BEND7: variants seen among roughly 807,000 people sequenced by gnomAD.
BEND7 encodes BEN domain-containing protein 7.
BEND7 carries 28 observed loss-of-function variants against 50.9 expected under a neutral mutation model. That is an observed-to-expected ratio of 0.55 (90% confidence interval 0.41 to 0.75). The LOEUF (loss-of-function observed/expected upper bound fraction) is 0.75. Among genes scored for constraint, BEND7 ranks in the 30% least tolerant of loss-of-function variants. BEND7 has a pLI of 0.00. For missense variants in BEND7, 477 were observed against 491.3 expected, an observed-to-expected ratio of 0.97 and a Z score of 0.28; for synonymous variants, 170 against 183.9, an observed-to-expected ratio of 0.92 and a Z score of 0.61.
downstream of BEND7, chr10:13,439,173 CAGAG>C: frequency 2.5e-6 from 4 of 1,605,964 alleles, no homozygotes; most frequent in African/African-American, 2.7e-5. Context: ...AAGATAATTT[CAGAG>C]AGAGAGGCAA....
chr10:13,496,976 A>C, intron 3 of BEND7, 88 bp from the exon 4 acceptor site: 1 of 1,418,196 alleles, frequency 7.1e-7, no homozygotes, highest in Non-Finnish European at 9.2e-7. Flanking sequence ...AAAAGAAAGT[A>C]TCTTGGCAGG....
In BEND7 at chr10:13,500,091, C is replaced by T. The variant is rs370459953; in HGVS notation, c.146-11G>A. On this transcript the variant is annotated splice_polypyrimidine_tract_variant and intron_variant, in intron 2 of 8. Transcript: ENST00000466271. ...CCATGCTTTCATCTCCTAATGGAAA[C>T]AGGGCCAAAGTTAGCACTCTAAATT... 2.5e-6 allele frequency: 4 copies of T among 1,570,690 alleles called. No individual in the cohort carries two copies. The highest frequency in any genetic ancestry group is 3.5e-6 in the Non-Finnish European group (4 of 1,151,514).
chr10:13,447,810 C>A (rs1397185411), intron 7 of BEND7, among the ~76,000 whole-genome samples: 4 of 152,096 alleles, frequency 2.6e-5, no homozygotes, highest in South Asian at 4.1e-4. Flanking sequence ...ATCTTATGAA[C>A]CTCATTCTAT....
chr10:13,477,311 A>T (rs936997405), intron 6 of BEND7, among the ~76,000 whole-genome samples: 1 of 152,218 alleles, frequency 6.6e-6, no homozygotes, highest in Admixed American at 6.5e-5. Context: ...TTATCCCACA[A>T]GAGATCAAGT....
In BEND7 at chr10:13,441,217, T is replaced by C; in HGVS notation, c.*526A>G. On this transcript the variant is annotated 3_prime_UTR_variant, in exon 9 of 9. Transcript: ENST00000466271. ...GCATTGAATTCTTTTTTAAAGAACA[T>C]AGTAATTTTAAAAAATCTAAATATT... 3.2e-6 allele frequency: 3 copies of C among 925,160 alleles called. No individual in the cohort carries two copies. The highest frequency in any genetic ancestry group is 3.6e-5 in the African/African-American group (2 of 56,064). 57.3% of individuals were successfully genotyped at this position (925,160 alleles called of 1,614,324 possible). A position where few individuals can be genotyped will look rare whatever the true frequency, so the allele number is the denominator to read the frequency against.
chr10:13,441,708 C>A lies in BEND7; in HGVS notation c.*35G>T. 1 of 1,612,798 alleles carries A rather than the reference C, an allele frequency of 6.2e-7. No individual in the cohort carries two copies. Among genetic ancestry groups the A allele is most frequent in the Non-Finnish European group, 8.5e-7 (1 of 1,179,550 alleles). ...AGGACGGATTTTAAAACCCATGGTGCAAAAAACACAAGAGCTGTGGTTTGC... is the reference window on the plus strand; with the variant it reads ...AGGACGGATTTTAAAACCCATGGTGAAAAAAACACAAGAGCTGTGGTTTGC... On this transcript the variant is annotated 3_prime_UTR_variant, in exon 9 of 9. Transcript: ENST00000466271.
intron 4 of BEND7, among the ~76,000 whole-genome samples, chr10:13,493,280 C>T (rs2076798207): frequency 6.6e-6 from 1 of 152,212 alleles, no homozygotes; most frequent in African/African-American, 2.4e-5. Context: ...TTCAGGATTA[C>T]ATTTGGGGTT....
intron 2 of BEND7, chr10:13,500,692 C>T (rs1273357712): frequency 1.4e-5 from 14 of 985,460 alleles, no homozygotes; most frequent in South Asian, 4.7e-5. Context: ...TCAGAGAGGA[C>T]GGCCGAGGAG....
Position 13,528,767 on chromosome 10 carries a change from C to A in BEND7, c.-234G>T, listed in dbSNP as rs918077705. 1 of 146,670 alleles carries A rather than the reference C, an allele frequency of 6.8e-6. No homozygotes were observed. Among genetic ancestry groups the A allele is most frequent in the Non-Finnish European group, 1.5e-5 (1 of 66,030 alleles). The allele number at this position is 146,670 out of a possible 1,614,324, so 9.1% of individuals were successfully genotyped here. A position where few individuals can be genotyped will look rare whatever the true frequency, so the allele number is the denominator to read the frequency against. On this transcript the variant is annotated 5_prime_UTR_variant, in exon 1 of 9. Coordinates refer to ENST00000466271, the MANE Select transcript of BEND7 (RefSeq NM_001369863.1). ...GTGGGCTCCCGGGCGAAGTTGCCCC[C>A]GCGCGGCGCCGCCTCCCGGTGCCCT...
chr10:13,463,512 G>T (rs2073927437), intron 6 of BEND7, among the ~76,000 whole-genome samples: 1 of 152,200 alleles, frequency 6.6e-6, no homozygotes, highest in Non-Finnish European at 1.5e-5. Context: ...GTCAAAAATG[G>T]ATGCTGTTAA....
At chr10:13,442,484 T>C (rs1280985696) in intron 8 of BEND7, 4 of 152,258 alleles carry the variant, frequency 2.6e-5, no homozygotes, top group African/African-American at 4.8e-5. Flanking sequence ...TAAATATTTC[T>C]ATAAAACAAA....
chr10:13,529,132 C>T (rs2079581107), upstream of BEND7, among the ~76,000 whole-genome samples: 1 of 144,418 alleles, frequency 6.9e-6, no homozygotes, highest in African/African-American at 2.5e-5. Context: ...GCCGCCATCC[C>T]CGGGGGCCGC....
In BEND7 at chr10:13,480,898, C is replaced by A. The variant is rs1290577403; in HGVS notation, c.1063+1G>T. The A allele has an allele frequency of 6.2e-7, 1 of 1,613,998 alleles. No homozygotes were observed. The highest frequency in any genetic ancestry group is 8.5e-7 in the Non-Finnish European group (1 of 1,180,020). On this transcript the variant is annotated splice_donor_variant, in intron 6 of 8. Transcript: ENST00000466271. LOFTEE classifies it high-confidence loss of function. The stretch of plus-strand genomic sequence containing the variant: ...CACAAAATGAAATGATGCAGACCAA[C>A]CTTTTATTGCACCCACAATATTTTG...
At chr10:13,473,063 G>A (rs779489016) in intron 6 of BEND7, among the ~76,000 whole-genome samples, 7 of 151,930 alleles carry the variant, frequency 4.6e-5, no homozygotes, top group African/African-American at 1.7e-4. Flanking sequence ...ATCCATCATC[G>A]CTATTAAGAG....
intron 5 of BEND7, among the ~76,000 whole-genome samples, chr10:13,488,209 ATAG>A (rs1320659063): frequency 1.3e-5 from 2 of 152,008 alleles, no homozygotes; most frequent in Admixed American, 1.3e-4. Flanking sequence ...GAGACTATTT[ATAG>A]TAACTACAAC....
At chr10:13,449,561 T>A (rs1837232727) in intron 7 of BEND7, among the ~76,000 whole-genome samples, 1 of 152,202 alleles carries the variant, frequency 6.6e-6, no homozygotes, top group South Asian at 2.1e-4. Context: ...AGTCCAAACA[T>A]ACCATATGCA....
chr10:13,487,791 G>A lies in BEND7; in HGVS notation c.837+4820C>T, dbSNP rs1380739251. Among the ~76,000 whole-genome samples, 4 of 152,100 alleles carry A rather than the reference G, an allele frequency of 2.6e-5. No homozygotes were observed. The South Asian group carries it at 6.2e-4, about 24-fold the overall frequency. On this transcript the variant is annotated intron_variant, in intron 5 of 8. Transcript: ENST00000466271. ...ACTTTATCTATTGGGCTAAGAAGTT[G>A]TTAAGAAAACAGATTTCAAGGCCGG...
chr10:13,524,680 C>T (rs1342472369), intron 2 of BEND7, among the ~76,000 whole-genome samples: 1 of 148,388 alleles, frequency 6.7e-6, no homozygotes, highest in Non-Finnish European at 1.5e-5. Flanking sequence ...TTCCAACTGA[C>T]CAAGTTTAGG....
At chr10:13,457,686 T>C (rs1368021377) in intron 6 of BEND7, among the ~76,000 whole-genome samples, 1 of 152,220 alleles carries the variant, frequency 6.6e-6, no homozygotes, top group African/African-American at 2.4e-5. Context: ...ATTGCATTGA[T>C]CTGCAAACAG....
Sources: allele counts gnomAD v4.1 joint callset (sites outside exome capture counted in the v4.1 genomes callset), GRCh38; gene constraint gnomAD v4.1.1; transcripts MANE v1.5; gene names NCBI Gene and HGNC (gene_info 2026-07-23, HGNC 2026-07-21).